The following KCTD8 variants were observed in gnomAD, a reference collection of about 807,000 sequenced individuals.
The protein encoded by KCTD8 is BTB/POZ domain-containing protein KCTD8.
In KCTD8, 27 loss-of-function variants were observed where a neutral mutation model predicts 31.5. The observed-to-expected ratio is 0.86, with a 90% confidence interval of 0.63 to 1.18. KCTD8 has a LOEUF of 1.18. KCTD8 is among the 50% of genes most tolerant of loss of function. The pLI is 0.00. For missense variants in KCTD8, 658 were observed against 647.7 expected (o/e 1.02, Z -0.17); for synonymous variants, 290 against 280.0 (o/e 1.04, Z -0.36).
chr4:44,430,443 A>C lies in KCTD8; in HGVS notation c.961+17120T>G, dbSNP rs188936602. 7.2e-4 allele frequency among the ~76,000 whole-genome samples: 109 copies of C among 151,880 alleles called. No homozygotes were observed. The Middle Eastern group carries it at 0.01, about 14-fold the overall frequency. On this transcript the variant is annotated intron_variant, in intron 1 of 1. Transcript: ENST00000360029. ...GAAAGTTATATTAGAGTAATTACACAAGTTGGAAAGGGAGTATGTTATGGC... is the reference window on the plus strand; with the variant it reads ...GAAAGTTATATTAGAGTAATTACACCAGTTGGAAAGGGAGTATGTTATGGC...
At chr4:44,335,878 C>T (rs951561206) in intron 1 of KCTD8, among the ~76,000 whole-genome samples, 3 of 151,860 alleles carry the variant, frequency 2.0e-5, no homozygotes, top group South Asian at 2.1e-4. Context: ...AGGCCGGGCG[C>T]GGTGGCTCAC....
At chr4:44,202,153 G>T (rs1253065788) in intron 1 of KCTD8, among the ~76,000 whole-genome samples, 1 of 152,116 alleles carries the variant, frequency 6.6e-6, no homozygotes, top group African/African-American at 2.4e-5. Flanking sequence ...ATGCTAATGA[G>T]GCTGTGGAGA....
intron 1 of KCTD8, among the ~76,000 whole-genome samples, chr4:44,266,731 A>G (rs1432795432): frequency 1.3e-5 from 2 of 152,070 alleles, no homozygotes; most frequent in Non-Finnish European, 2.9e-5. Context: ...AAAAAAAGGC[A>G]GGGGTTGCAA....
chr4:44,396,161 T>C (rs1007204389), intron 1 of KCTD8, among the ~76,000 whole-genome samples: 1 of 152,030 alleles, frequency 6.6e-6, no homozygotes, highest in African/African-American at 2.4e-5. Flanking sequence ...GCATGCAACC[T>C]AGATCCCTCG....
chr4:44,283,161 C>T (rs567933724), intron 1 of KCTD8, among the ~76,000 whole-genome samples: 55 of 151,558 alleles, frequency 3.6e-4, no homozygotes, highest in East Asian at 1.2e-3. Flanking sequence ...GATATTCTCC[C>T]GCTTCAGCCT....
chr4:44,390,764 GTGGTAAAAT>G (rs1025646023), intron 1 of KCTD8, among the ~76,000 whole-genome samples: 1 of 151,952 alleles, frequency 6.6e-6, no homozygotes, highest in African/African-American at 2.4e-5. Flanking sequence ...AGGAGTTAAT[GTGGTAAAAT>G]TGGCATTGAT....
intron 1 of KCTD8, among the ~76,000 whole-genome samples, chr4:44,246,733 C>T (rs975221104): frequency 6.6e-6 from 1 of 151,962 alleles, no homozygotes; most frequent in Non-Finnish European, 1.5e-5. Flanking sequence ...TACCTTCACG[C>T]CTTACCTGAA....
intron 1 of KCTD8, among the ~76,000 whole-genome samples, chr4:44,243,730 T>C (rs1577571993): frequency 6.6e-6 from 1 of 152,314 alleles, no homozygotes; most frequent in East Asian, 1.9e-4. Context: ...TAAATCTGTC[T>C]AGTTCCAAAG....
intron 1 of KCTD8, among the ~76,000 whole-genome samples, chr4:44,393,439 A>T (rs1356957737): frequency 6.6e-6 from 1 of 151,892 alleles, no homozygotes; most frequent in African/African-American, 2.4e-5. Context: ...ATGAAGGGAA[A>T]AAAACAGTAA....
chr4:44,338,118 A>G (rs73815018), intron 1 of KCTD8, among the ~76,000 whole-genome samples: 9,229 of 152,184 alleles, frequency 0.061, 446 homozygotes, highest in East Asian at 0.15. Flanking sequence ...AGGGGTAAAC[A>G]GGTTGAAAAT....
At chr4:44,295,192 GGT>G (rs1205102553) in intron 1 of KCTD8, among the ~76,000 whole-genome samples, 1 of 152,040 alleles carries the variant, frequency 6.6e-6, no homozygotes, top group East Asian at 1.9e-4. Context: ...GCTACTCTGG[GGT>G]CTGAGGTGGG....
rs144137697 is a variant in KCTD8, at chr4:44,317,017, A to C, written c.961+130546T>G. 1.3e-3 allele frequency among the ~76,000 whole-genome samples: 195 copies of C among 150,290 alleles called. 7 individuals carry two copies. In the East Asian group the frequency reaches 0.036, roughly 28 times the overall value. ...CAAATAAAATAATAATAAAAAAAAAACAAACAGGAAACCAGACTCCTAAAC... is the reference window on the plus strand; with the variant it reads ...CAAATAAAATAATAATAAAAAAAAACCAAACAGGAAACCAGACTCCTAAAC... On this transcript the variant is annotated intron_variant, in intron 1 of 1. Coordinates refer to ENST00000360029, the MANE Select transcript of KCTD8 (RefSeq NM_198353.3).
chr4:44,183,708 A>G (rs1368094986), intron 1 of KCTD8, among the ~76,000 whole-genome samples: 2 of 152,216 alleles, frequency 1.3e-5, no homozygotes, highest in Non-Finnish European at 2.9e-5. Context: ...CCTTGAATAC[A>G]CAAGCATTTC....
At chr4:44,298,715 C>A (rs527480370) in intron 1 of KCTD8, among the ~76,000 whole-genome samples, 2 of 152,190 alleles carry the variant, frequency 1.3e-5, no homozygotes, top group African/African-American at 4.8e-5. Flanking sequence ...GAGTTCACAC[C>A]CACTGGCTCT....
At chr4:44,188,012 CAA>C (rs760998181) in intron 1 of KCTD8, among the ~76,000 whole-genome samples, 1 of 145,284 alleles carries the variant, frequency 6.9e-6, no homozygotes, top group African/African-American at 2.5e-5. Flanking sequence ...CATGCACACA[CAA>C]AAAAAAAACA....
chr4:44,306,766 T>G (rs1717817074), intron 1 of KCTD8, among the ~76,000 whole-genome samples: 1 of 151,978 alleles, frequency 6.6e-6, no homozygotes, highest in Non-Finnish European at 1.5e-5. Context: ...AGGTAAAATT[T>G]TATTAAATTT....
chr4:44,197,007 G>C (rs1424389583), intron 1 of KCTD8, among the ~76,000 whole-genome samples: 1 of 152,182 alleles, frequency 6.6e-6, no homozygotes, highest in Non-Finnish European at 1.5e-5. Context: ...CTCCTAGCCA[G>C]GTGGAACTTG....
intron 1 of KCTD8, among the ~76,000 whole-genome samples, chr4:44,414,088 G>T (rs931909263): frequency 6.6e-6 from 1 of 152,078 alleles, no homozygotes; most frequent in African/African-American, 2.4e-5. Context: ...TCAGACTTCT[G>T]ATCTCCAGGA....
rs77621018 is a variant in KCTD8 at position 44,219,289 on chromosome 4, G to A, written c.962-44039C>T. Among the ~76,000 whole-genome samples the A allele has an allele frequency of 9.8e-3, 1,497 of 152,322 alleles. 33 individuals are homozygous for A. The highest frequency in any genetic ancestry group is 0.035 in the African/African-American group (1,443 of 41,568). ...TTCTACTTTTCAGTTGCTTTATGTTGTGGATTGAATTGTATATCCCCAAAA... is the reference window on the plus strand; with the variant it reads ...TTCTACTTTTCAGTTGCTTTATGTTATGGATTGAATTGTATATCCCCAAAA... On this transcript the variant is annotated intron_variant, in intron 1 of 1. Coordinates refer to ENST00000360029, the MANE Select transcript of KCTD8 (RefSeq NM_198353.3).
Sources: allele counts gnomAD v4.1 joint callset (sites outside exome capture counted in the v4.1 genomes callset), GRCh38; gene constraint gnomAD v4.1.1; transcripts MANE v1.5; gene names NCBI Gene and HGNC (gene_info 2026-07-23, HGNC 2026-07-21).